LIMS1: variants seen among roughly 807,000 people sequenced by gnomAD.
LIMS1 encodes the protein LIM zinc finger domain containing 1, also known as LIM and senescent cell antigen-like-containing domain protein 1.
In LIMS1, 18 loss-of-function variants were observed where a neutral mutation model predicts 44.1. The observed-to-expected ratio is 0.41, with a 90% CI of 0.28 to 0.61. LIMS1 has a LOEUF of 0.61. LIMS1 is among the 20% of genes least tolerant of loss of function. The probability of loss-of-function intolerance (pLI) is 0.32; values close to 1 mark genes in which losing one functional copy is unlikely to be tolerated. For synonymous variants in LIMS1, 93 were observed against 149.1 expected, an observed-to-expected ratio of 0.62 and a Z score of 2.74; for missense variants, 201 against 422.0, an observed-to-expected ratio of 0.48 and a Z score of 4.59.
In LIMS1 at chr2:108,567,831, C is replaced by CA. The variant is rs1164631403; in HGVS notation, c.32+33241dup. Among the ~76,000 whole-genome samples the CA allele has an allele frequency of 2.6e-5, 4 of 152,300 alleles. No homozygotes were observed. The East Asian group carries it at 5.8e-4, about 22-fold the overall frequency. ...AAATGATCCTCCCACCTTGGCCTCC[C>CA]AAAATGCTAGGATTACAGGCGTGAG... On this transcript the variant is annotated intron_variant, in intron 1 of 9. Transcript: ENST00000544547.
intron 1 of LIMS1, among the ~76,000 whole-genome samples, chr2:108,536,401 C>T (rs1428255137): frequency 6.6e-6 from 1 of 152,208 alleles, no homozygotes; most frequent in African/African-American, 2.4e-5. Flanking sequence ...TACCTCATAT[C>T]TCATGTAAGT....
intron 1 of LIMS1, among the ~76,000 whole-genome samples, chr2:108,552,587 T>G (rs1045213300): frequency 1.2e-4 from 11 of 94,790 alleles, no homozygotes; most frequent in South Asian, 4.4e-4. Context: ...ATATTTTGGG[T>G]GTGTGTGTGT....
intron 1 of LIMS1, among the ~76,000 whole-genome samples, chr2:108,639,730 C>A (rs576552439): frequency 3.3e-5 from 5 of 152,300 alleles, no homozygotes; most frequent in Non-Finnish European, 5.9e-5. Flanking sequence ...GGATTACAGA[C>A]GTGAGTCACC....
intron 1 of LIMS1, among the ~76,000 whole-genome samples, chr2:108,640,811 A>G: frequency 6.6e-6 from 1 of 152,196 alleles, no homozygotes; most frequent in East Asian, 1.9e-4. Flanking sequence ...ATCCTCTTCT[A>G]GCTTTTTGAA....
At chr2:108,606,032 C>G (rs1687252859) in intron 1 of LIMS1, among the ~76,000 whole-genome samples, 1 of 152,246 alleles carries the variant, frequency 6.6e-6, no homozygotes, top group Non-Finnish European at 1.5e-5. Context: ...TTCCTGCTGC[C>G]AGCTCTGCCC....
intron 1 of LIMS1, among the ~76,000 whole-genome samples, chr2:108,572,968 C>T (rs1685536632): frequency 1.3e-5 from 2 of 152,164 alleles, no homozygotes; most frequent in African/African-American, 4.8e-5. Flanking sequence ...TCCTGGGCCA[C>T]ATCAGACTGA....
At chr2:108,571,405 G>A (rs1386008573) in intron 1 of LIMS1, among the ~76,000 whole-genome samples, 1 of 152,214 alleles carries the variant, frequency 6.6e-6, no homozygotes, top group Admixed American at 6.5e-5. Context: ...AGTCATGTTA[G>A]TGTGAACAGT....
intron 1 of LIMS1, among the ~76,000 whole-genome samples, chr2:108,633,400 A>G (rs554029686): frequency 2.0e-5 from 3 of 152,228 alleles, no homozygotes; most frequent in Non-Finnish European, 4.4e-5. Flanking sequence ...AGGCGCTGTC[A>G]TTAGAGCGTC....
chr2:108,553,053 C>T (rs1015751786), intron 1 of LIMS1, among the ~76,000 whole-genome samples: 4 of 152,290 alleles, frequency 2.6e-5, no homozygotes, highest in Admixed American at 1.3e-4. Context: ...CATGAGAAAT[C>T]ACTGTGGACA....
rs550261843 is a variant in LIMS1, at chr2:108,590,723, T to C, written c.32+56129T>C. 2.0e-5 allele frequency among the ~76,000 whole-genome samples: 3 copies of C among 152,356 alleles called. No homozygotes were observed. The East Asian group carries it at 5.8e-4, about 29-fold the overall frequency. The stretch of plus-strand genomic sequence containing the variant: ...CGAGCAAAGGTTTGCAGGTCAGTGT[T>C]ACTTCTCTCTTCAGAGTCCTCCATT... On this transcript the variant is annotated intron_variant, in intron 1 of 9. Coordinates refer to ENST00000544547, the Ensembl canonical transcript of LIMS1.
chr2:108,621,433 G>A (rs1281949037), intron 1 of LIMS1: 17 of 1,551,116 alleles, frequency 1.1e-5, no homozygotes, highest in Admixed American at 2.0e-5. Context: ...TAGTTTGAGA[G>A]TAAATGGGTT....
intron 1 of LIMS1, among the ~76,000 whole-genome samples, chr2:108,623,694 C>A (rs898312396): frequency 1.3e-5 from 2 of 152,184 alleles, no homozygotes; most frequent in Non-Finnish European, 2.9e-5. Context: ...ATTTTGAATA[C>A]CTGTGCTATC....
chr2:108,552,762 G>A (rs1448958521), intron 1 of LIMS1, among the ~76,000 whole-genome samples: 1 of 151,812 alleles, frequency 6.6e-6, no homozygotes, highest in Non-Finnish European at 1.5e-5. Flanking sequence ...TTTTTTTGTA[G>A]AGATAAGGTT....
At chr2:108,598,309 G>A (rs921755384) in intron 1 of LIMS1, among the ~76,000 whole-genome samples, 1 of 152,110 alleles carries the variant, frequency 6.6e-6, no homozygotes, top group African/African-American at 2.4e-5. Context: ...ATTTATAAAC[G>A]AATTTGTGTC....
chr2:108,646,519 G>C (rs1690074918), intron 1 of LIMS1, among the ~76,000 whole-genome samples: 1 of 152,130 alleles, frequency 6.6e-6, no homozygotes, highest in Non-Finnish European at 1.5e-5. Flanking sequence ...ATGCCCACAA[G>C]AGAAAGCAGG....
intron 1 of LIMS1, among the ~76,000 whole-genome samples, chr2:108,634,834 A>T (rs1279779257): frequency 6.6e-6 from 1 of 152,254 alleles, no homozygotes; most frequent in East Asian, 1.9e-4. Flanking sequence ...GCGACTGCCC[A>T]AGGAGCTGCT....
intron 9 of LIMS1, among the ~76,000 whole-genome samples, chr2:108,683,371 C>A (rs1693131696): frequency 6.6e-6 from 1 of 151,714 alleles, no homozygotes; most frequent in Non-Finnish European, 1.5e-5. Flanking sequence ...AGGACCCTGT[C>A]TCTACAAAAA....
At chr2:108,663,997 G>A (rs1378301638) in intron 2 of LIMS1, among the ~76,000 whole-genome samples, 1 of 152,024 alleles carries the variant, frequency 6.6e-6, no homozygotes, top group Non-Finnish European at 1.5e-5. Flanking sequence ...CAGGTGATCC[G>A]CTCGCCTCGT....
At chr2:108,541,190 C>T (rs1247640994) in intron 1 of LIMS1, among the ~76,000 whole-genome samples, 3 of 152,206 alleles carry the variant, frequency 2.0e-5, no homozygotes, top group Non-Finnish European at 4.4e-5. Flanking sequence ...GACGGGCTTC[C>T]TTACCAATGC....
Sources: allele counts gnomAD v4.1 joint callset (sites outside exome capture counted in the v4.1 genomes callset), GRCh38; gene constraint gnomAD v4.1.1; transcripts MANE v1.5; gene names NCBI Gene and HGNC (gene_info 2026-07-23, HGNC 2026-07-21).